Variants in CFAP299 observed in about 807,000 individuals in gnomAD.
The protein encoded by CFAP299 is cilia and flagella associated protein 299, also known as cilia- and flagella-associated protein 299.
A neutral mutation model predicts 27.0 loss-of-function variants in CFAP299; 21 were observed. The ratio of observed to expected loss-of-function variants is 0.78; its 90% confidence interval spans 0.55 to 1.12. The LOEUF is 1.12. Ranked by LOEUF, CFAP299 falls within the 50% of genes most tolerant of loss-of-function variation. CFAP299 has a pLI of 0.00. For missense variants in CFAP299, 310 were observed against 276.6 expected (o/e 1.12, Z -0.86); for synonymous variants, 104 against 98.1 (o/e 1.06, Z -0.36).
At position 80,345,448 on chromosome 4, in the gene CFAP299, C is replaced by T. The variant is rs555908481; in HGVS notation, c.111+9569C>T. On this transcript the variant is annotated intron_variant, in intron 1 of 5. Transcript: ENST00000358105. ...CCTCCCCCCAACCCATGACAGACCC[C>T]GGTGTGTGATGTTCCCCTCCCTGTG... Among the ~76,000 whole-genome samples, 7 of 147,224 alleles carry T rather than the reference C, an allele frequency of 4.8e-5. No individual in the cohort carries two copies. The East Asian group carries it at 1.4e-3, about 30-fold the overall frequency.
At chr4:80,553,513 G>A (rs905533695) in intron 2 of CFAP299, among the ~76,000 whole-genome samples, 3 of 152,158 alleles carry the variant, frequency 2.0e-5, no homozygotes, top group Non-Finnish European at 4.4e-5. Flanking sequence ...ATTCCTCTGA[G>A]TATATACCCA....
chr4:80,830,905 G>T (rs982957557), intron 3 of CFAP299, among the ~76,000 whole-genome samples: 1 of 152,080 alleles, frequency 6.6e-6, no homozygotes, highest in African/African-American at 2.4e-5. Context: ...GCTGATCAAG[G>T]TCCAGAGATT....
chr4:80,857,878 T>C (rs907957351), intron 3 of CFAP299, among the ~76,000 whole-genome samples: 2 of 152,184 alleles, frequency 1.3e-5, no homozygotes, highest in Non-Finnish European at 2.9e-5. Context: ...TTTTTTTTGT[T>C]GTGTCTCTGC....
chr4:80,602,190 G>T (rs1413903217), intron 3 of CFAP299, among the ~76,000 whole-genome samples: 1 of 151,656 alleles, frequency 6.6e-6, no homozygotes, highest in Admixed American at 6.6e-5. Context: ...TAATAAACCT[G>T]GACATCCACC....
intron 2 of CFAP299, among the ~76,000 whole-genome samples, chr4:80,500,217 A>G (rs1731674847): frequency 6.6e-6 from 1 of 152,096 alleles, no homozygotes. Context: ...GCACTTGGCA[A>G]CTGTAAGAAG....
chr4:80,962,262 T>G (rs555879797), intron 5 of CFAP299, among the ~76,000 whole-genome samples: 19 of 152,078 alleles, frequency 1.2e-4, no homozygotes, highest in African/African-American at 4.6e-4. Flanking sequence ...ATTCATTAAT[T>G]ATAGAAGAAA....
chr4:80,396,948 A>C (rs1725831201), intron 2 of CFAP299, among the ~76,000 whole-genome samples: 1 of 152,208 alleles, frequency 6.6e-6, no homozygotes, highest in African/African-American at 2.4e-5. Context: ...TAGTTTCAGA[A>C]GGAATGATAC....
chr4:80,575,225 G>A (rs1735792077), intron 2 of CFAP299, among the ~76,000 whole-genome samples: 1 of 152,026 alleles, frequency 6.6e-6, no homozygotes, highest in African/African-American at 2.4e-5. Flanking sequence ...TTCATTTCAT[G>A]TGGGTTTTCC....
At chr4:80,810,675 C>T (rs1729104440) in intron 3 of CFAP299, among the ~76,000 whole-genome samples, 1 of 152,026 alleles carries the variant, frequency 6.6e-6, no homozygotes, top group Admixed American at 6.6e-5. Context: ...CCAGAAGGAA[C>T]CAATCATGCC....
intron 3 of CFAP299, among the ~76,000 whole-genome samples, chr4:80,728,620 G>A (rs1162255501): frequency 4.6e-5 from 7 of 151,922 alleles, no homozygotes; most frequent in Non-Finnish European, 7.4e-5. Context: ...CCTTCCACAC[G>A]CTTTATGTGT....
chr4:80,331,595 T>C (rs1432695614), upstream of CFAP299, among the ~76,000 whole-genome samples: 1 of 152,146 alleles, frequency 6.6e-6, no homozygotes, highest in Non-Finnish European at 1.5e-5. Context: ...ATTTCAGGGG[T>C]GACGGAGAAG....
chr4:80,948,738 G>A (rs1008455800), intron 5 of CFAP299, among the ~76,000 whole-genome samples: 6 of 151,710 alleles, frequency 4.0e-5, no homozygotes, highest in African/African-American at 1.5e-4. Context: ...TTTCTGAGAG[G>A]CCATCACCTG....
At chr4:80,489,444 A>C (rs1021532839) in intron 2 of CFAP299, among the ~76,000 whole-genome samples, 2 of 146,558 alleles carry the variant, frequency 1.4e-5, no homozygotes, top group Non-Finnish European at 3.0e-5. Flanking sequence ...TGAAGTTTCA[A>C]CTTTGGTTAG....
intron 5 of CFAP299, among the ~76,000 whole-genome samples, chr4:80,961,767 G>A (rs774536351): frequency 1.7e-4 from 26 of 151,736 alleles, no homozygotes; most frequent in East Asian, 1.9e-4. Context: ...CCTGATGGGC[G>A]CAAGAGTCTT....
intron 1 of CFAP299, among the ~76,000 whole-genome samples, chr4:80,346,773 T>C (rs1219307288): frequency 6.6e-6 from 1 of 152,184 alleles, no homozygotes; most frequent in African/African-American, 2.4e-5. Flanking sequence ...TTTGGTTCCA[T>C]ATGAACTTTA....
intron 4 of CFAP299, among the ~76,000 whole-genome samples, chr4:80,894,234 A>G (rs1734497817): frequency 6.6e-6 from 1 of 151,638 alleles, no homozygotes; most frequent in African/African-American, 2.4e-5. Context: ...CAGGGATGTA[A>G]AAAAAAAGAG....
At position 80,878,340 on chromosome 4, in the gene CFAP299, G is replaced by C. The variant is rs188003842; in HGVS notation, c.476+8205G>C. On this transcript the variant is annotated intron_variant, in intron 4 of 5. Coordinates refer to ENST00000358105, the MANE Select transcript of CFAP299 (RefSeq NM_152770.3). ...AATATCTGACTCATTTCTCTTATCT[G>C]TGTATTTTCTTTATACTGGGAGATA... 3.8e-3 allele frequency among the ~76,000 whole-genome samples: 575 copies of C among 152,006 alleles called. 1 individual carries two copies. Among genetic ancestry groups the C allele is most frequent in the Middle Eastern group, 0.017 (5 of 294 alleles).
At chr4:80,343,286 A>G (rs948946214) in intron 1 of CFAP299, among the ~76,000 whole-genome samples, 2 of 152,186 alleles carry the variant, frequency 1.3e-5, no homozygotes, top group African/African-American at 4.8e-5. Flanking sequence ...AAATTAACAA[A>G]GATATTCAGG....
At chr4:80,892,896 A>G (rs1423294819) in intron 4 of CFAP299, among the ~76,000 whole-genome samples, 1 of 152,096 alleles carries the variant, frequency 6.6e-6, no homozygotes, top group Non-Finnish European at 1.5e-5. Flanking sequence ...GACAAGATGA[A>G]GAAATTAAAG....
Sources: gnomAD v4.1 joint callset for allele counts (sites outside exome capture counted in the v4.1 genomes callset) on GRCh38, gnomAD v4.1.1 for gene constraint, MANE v1.5 for transcripts, NCBI Gene and HGNC (gene_info 2026-07-23, HGNC 2026-07-21) for gene names.